Variants in GLIS3 observed in about 807,000 individuals in gnomAD.
GLIS3 encodes the protein zinc finger protein GLIS3.
A neutral mutation model predicts 78.6 loss-of-function variants in GLIS3; 53 were observed. That is an observed-to-expected ratio of 0.67 (90% CI 0.54 to 0.85). The LOEUF (loss-of-function observed/expected upper bound fraction) is 0.85, where lower values mean the gene tolerates loss of function less well. Ranked by LOEUF, GLIS3 falls within the 40% of genes least tolerant of loss-of-function variation. The probability of loss-of-function intolerance (pLI) is 0.00; values close to 1 mark genes in which losing one functional copy is unlikely to be tolerated. For missense variants in GLIS3, 1,703 were observed against 1,231.1 expected, an observed-to-expected ratio of 1.38 and a Z score of -5.74; for synonymous variants, 684 against 509.9, an observed-to-expected ratio of 1.34 and a Z score of -4.60.
In GLIS3 at chr9:3,923,421, T is replaced by C. The variant is rs146472451; in HGVS notation, c.1983+8939A>G. The stretch of plus-strand genomic sequence containing the variant: ...GAAATATAGAGCATAGAGACGAATA[T>C]AGTCCATACGCCAAAAAATCTGGAA... On this transcript the variant is annotated intron_variant, in intron 6 of 10. Coordinates refer to ENST00000381971, the MANE Select transcript of GLIS3 (RefSeq NM_001042413.2). Among the ~76,000 whole-genome samples the C allele has an allele frequency of 8.0e-3, 1,215 of 152,158 alleles. 32 individuals carry two copies. The highest frequency in any genetic ancestry group is 0.01 in the Middle Eastern group (3 of 294).
At chr9:4,188,166 A>C (rs4387024) in intron 2 of GLIS3, among the ~76,000 whole-genome samples, 1 of 149,984 alleles carries the variant, frequency 6.7e-6, no homozygotes, top group South Asian at 2.1e-4. Context: ...TTTGAGATAC[A>C]TCCCATCAAT....
chr9:4,116,284 G>C (rs543435418), intron 4 of GLIS3, among the ~76,000 whole-genome samples: 1 of 152,144 alleles, frequency 6.6e-6, no homozygotes, highest in Non-Finnish European at 1.5e-5. Flanking sequence ...GCAATAGGCC[G>C]GTGTGTTCCA....
At chr9:4,092,318 ATT>A (rs1159151178) in intron 4 of GLIS3, among the ~76,000 whole-genome samples, 9 of 151,430 alleles carry the variant, frequency 5.9e-5, no homozygotes, top group Non-Finnish European at 2.9e-5. Flanking sequence ...TGCCTGGCTC[ATT>A]TTTTTGTATT....
chr9:4,113,812 G>A (rs1831414385), intron 4 of GLIS3, among the ~76,000 whole-genome samples: 1 of 152,076 alleles, frequency 6.6e-6, no homozygotes, highest in African/African-American at 2.4e-5. Context: ...AAGCACCACT[G>A]CCCAATATTC....
At chr9:4,191,919 T>C (rs183157855) in intron 2 of GLIS3, among the ~76,000 whole-genome samples, 1 of 152,098 alleles carries the variant, frequency 6.6e-6, no homozygotes, top group Admixed American at 6.6e-5. Flanking sequence ...AGAAACAAAT[T>C]AGATAAACCA....
chr9:3,867,337 T>A (rs1342876119), intron 8 of GLIS3, among the ~76,000 whole-genome samples: 1 of 152,238 alleles, frequency 6.6e-6, no homozygotes, highest in Non-Finnish European at 1.5e-5. Context: ...TATTTCCTTA[T>A]AAGTGTACAT....
intron 6 of GLIS3, among the ~76,000 whole-genome samples, chr9:3,907,922 C>T (rs1468342965): frequency 6.6e-6 from 1 of 152,180 alleles, no homozygotes; most frequent in Non-Finnish European, 1.5e-5. Context: ...AGGCAATCAG[C>T]AGCACTTAAA....
At chr9:4,336,294 G>C (rs1817756555) in intron 2 of GLIS3, among the ~76,000 whole-genome samples, 1 of 152,140 alleles carries the variant, frequency 6.6e-6, no homozygotes. Context: ...AATACTTTCA[G>C]AGATCTCTAT....
chr9:4,303,486 A>G (rs1817146786), upstream of GLIS3, among the ~76,000 whole-genome samples: 1 of 152,230 alleles, frequency 6.6e-6, no homozygotes, highest in African/African-American at 2.4e-5. Context: ...TGATTTTTCT[A>G]CTAATTTGTC....
the GLIS3 span, among the ~76,000 whole-genome samples, chr9:4,437,037 G>C: frequency 6.6e-6 from 1 of 152,108 alleles, no homozygotes. Context: ...AGCTGGAGAA[G>C]AGGAAGAATT....
chr9:4,156,407 T>C (rs944648627), intron 2 of GLIS3, among the ~76,000 whole-genome samples: 5 of 152,218 alleles, frequency 3.3e-5, no homozygotes, highest in African/African-American at 1.2e-4. Flanking sequence ...ACTTCATACA[T>C]TCATCCTCCT....
chr9:4,210,069 T>C (rs1820248324), intron 2 of GLIS3, among the ~76,000 whole-genome samples: 1 of 152,228 alleles, frequency 6.6e-6, no homozygotes. Flanking sequence ...GCTGGTATAA[T>C]GCCTGGCACA....
intron 7 of GLIS3, among the ~76,000 whole-genome samples, chr9:3,895,156 T>G (rs1822737106): frequency 6.6e-6 from 1 of 152,190 alleles, no homozygotes; most frequent in South Asian, 2.1e-4. Flanking sequence ...CTTCTATATA[T>G]CATTAGTTCA....
At chr9:4,169,564 C>T (rs1429786111) in intron 2 of GLIS3, among the ~76,000 whole-genome samples, 1 of 152,088 alleles carries the variant, frequency 6.6e-6, no homozygotes, top group African/African-American at 2.4e-5. Context: ...TCTCTAAGGT[C>T]TGTATATTAG....
intron 4 of GLIS3, among the ~76,000 whole-genome samples, chr9:3,953,819 A>ATC (rs1563886807): frequency 6.3e-4 from 89 of 140,696 alleles, no homozygotes; most frequent in African/African-American, 2.1e-3. Context: ...ATATATATAT[A>ATC]TATCTTCTCC....
chr9:4,318,137 T>C (rs1209365059), intron 2 of GLIS3, among the ~76,000 whole-genome samples: 1 of 152,034 alleles, frequency 6.6e-6, no homozygotes. Context: ...GTATTGGTAT[T>C]CTTGGGAGCC....
chr9:4,182,389 G>A (rs1282946403), intron 2 of GLIS3, among the ~76,000 whole-genome samples: 1 of 152,122 alleles, frequency 6.6e-6, no homozygotes, highest in Non-Finnish European at 1.5e-5. Context: ...AGAAATACCT[G>A]ATTTTCCCCA....
intron 6 of GLIS3, among the ~76,000 whole-genome samples, chr9:3,926,355 A>C (rs1167128377): frequency 3.4e-5 from 5 of 147,816 alleles, no homozygotes; most frequent in African/African-American, 1.3e-4. Context: ...CTCAGCCTCC[A>C]GAGTAGCTGG....
At chr9:4,138,366 G>C (rs1487889409) in intron 2 of GLIS3, among the ~76,000 whole-genome samples, 2 of 152,158 alleles carry the variant, frequency 1.3e-5, no homozygotes, top group East Asian at 3.9e-4. Context: ...CAATTGGAGA[G>C]AGTGTTAACT....
Sources: gnomAD v4.1 joint callset for allele counts (sites outside exome capture counted in the v4.1 genomes callset) on GRCh38, gnomAD v4.1.1 for gene constraint, MANE v1.5 for transcripts, NCBI Gene and HGNC (gene_info 2026-07-23, HGNC 2026-07-21) for gene names.